The following ENTPD6 variants were observed in gnomAD, a reference collection of about 807,000 sequenced individuals.
ENTPD6 encodes ectonucleoside triphosphate diphosphohydrolase 6, also known as CD39 antigen-like 2.
ENTPD6 carries 46 observed loss-of-function variants against 61.5 expected under a neutral mutation model. The observed-to-expected ratio is 0.75, with a 90% CI of 0.59 to 0.96. The LOEUF is 0.96. Among genes scored for constraint, ENTPD6 ranks in the 40% least tolerant of loss-of-function variants. The pLI is 0.00. For synonymous variants in ENTPD6, 252 were observed against 255.5 expected, an observed-to-expected ratio of 0.99 and a Z score of 0.13; for missense variants, 612 against 629.0, an observed-to-expected ratio of 0.97 and a Z score of 0.29.
chr20:25,209,607 A>G (rs1011506517), intron 3 of ENTPD6, among the ~76,000 whole-genome samples: 1 of 150,642 alleles, frequency 6.6e-6, no homozygotes, highest in Non-Finnish European at 1.5e-5. Flanking sequence ...TATAATAAAT[A>G]ATAATTTTAA....
chr20:25,220,894 C>T (rs1028747015), intron 10 of ENTPD6, among the ~76,000 whole-genome samples: 3 of 152,240 alleles, frequency 2.0e-5, no homozygotes, highest in African/African-American at 4.8e-5. Flanking sequence ...ACCAACCTAC[C>T]AGCTACTCAC....
Position 25,221,243 on chromosome 20 carries a change from A to G in ENTPD6, c.955A>G (p.Lys319Glu), listed in dbSNP as rs767121728. ...GVEGQPAKDGKELVSPCLSPS... is the reference protein window; with the variant it reads ...GVEGQPAKDGEELVSPCLSPS... Reference sequence around the variant, plus strand: ...AATCTCTGTTTCAGCTAAGGATGGAAAGGAGTTGGTCAGCCCTTGCTTGTC... The same window carrying G: ...AATCTCTGTTTCAGCTAAGGATGGAGAGGAGTTGGTCAGCCCTTGCTTGTC... The change falls in exon 11 of 15, where the codon AAG (lysine) becomes GAG (glutamate). Residue 319 changes from lysine to glutamate, a missense_variant. Coordinates refer to ENST00000376652, the MANE Select transcript of ENTPD6 (RefSeq NM_001247.5). 20 of 1,613,380 alleles carry G rather than the reference A, an allele frequency of 1.2e-5. No homozygotes were observed. Among genetic ancestry groups the G allele is most frequent in the Non-Finnish European group, 1.4e-5 (16 of 1,179,416 alleles).
In ENTPD6 at chr20:25,216,786, G is replaced by T. The variant is rs371257353; in HGVS notation, c.798+50G>T. The T allele has an allele frequency of 2.9e-6, 3 of 1,039,510 alleles. No homozygotes were observed. In the East Asian group the frequency reaches 1.8e-4, roughly 61 times the overall value. 64.4% of individuals were successfully genotyped at this position (1,039,510 alleles called of 1,614,324 possible). A position where few individuals can be genotyped will look rare whatever the true frequency, so the allele number is the denominator to read the frequency against. ...GCTCTTTCCACCCCGAGGCCACACC[G>T]CCATGGGGGTGCAGGGTGGGGCCTG... On this transcript the variant is annotated intron_variant, in intron 8 of 14. Transcript: ENST00000376652.
rs550600440 is a variant in ENTPD6 at position 25,212,932 on chromosome 20, C to T, written c.454-331C>T. Among the ~76,000 whole-genome samples, 8 of 152,362 alleles carry T rather than the reference C, an allele frequency of 5.3e-5. No homozygotes were observed. In the South Asian group the frequency reaches 1.7e-3, roughly 32 times the overall value. On this transcript the variant is annotated intron_variant, in intron 4 of 14. Transcript: ENST00000376652. ...CTGTTAGCCAAGATGGTCTTGATCT[C>T]CTGACCTTGTGATCCGCCTGCCTTG...
intron 1 of ENTPD6, among the ~76,000 whole-genome samples, chr20:25,205,458 T>C (rs2091400719): frequency 1.3e-5 from 2 of 152,200 alleles, no homozygotes; most frequent in South Asian, 4.2e-4. Context: ...GGCACTGTTC[T>C]CAGAGCACTG....
intron 10 of ENTPD6, among the ~76,000 whole-genome samples, 176 bp downstream of exon 10, chr20:25,218,790 G>A (rs2092489892): frequency 6.6e-6 from 1 of 152,242 alleles, no homozygotes; most frequent in African/African-American, 2.4e-5. Context: ...CAGGGCATGC[G>A]AGTGGAGGGG....
chr20:25,207,229 G>C lies in ENTPD6; in HGVS notation c.208G>C (p.Ala70Pro), dbSNP rs766990810. Residue 70 changes from alanine to proline, a missense_variant, in exon 3 of 15, where the codon GCC becomes CCC. Ala to Pro is a conservative substitution (Grantham distance 27). Transcript: ENST00000376652. ...IKWHRATATQ[A>P]FFSITRAAPG... Reference sequence around the variant, plus strand: ...GTGGCACCGGGCCACCGCCACCCAGGCCTTCTTCAGCATCACCAGGGCAGC... The same window carrying C: ...GTGGCACCGGGCCACCGCCACCCAGCCCTTCTTCAGCATCACCAGGGCAGC... 1.2e-6 allele frequency: 2 copies of C among 1,614,064 alleles called. No homozygotes were observed. The highest frequency in any genetic ancestry group is 1.7e-6 in the Non-Finnish European group (2 of 1,180,026).
In ENTPD6 at chr20:25,226,837, T is replaced by C. The variant is rs1345668462; in HGVS notation, c.*1240T>C. 6.6e-6 allele frequency: 1 copy of C among 152,270 alleles called. No individual in the cohort carries two copies. The highest frequency in any genetic ancestry group is 1.5e-5 in the Non-Finnish European group (1 of 68,058). The allele number at this position is 152,270 out of a possible 1,614,324, so 9.4% of individuals were successfully genotyped here. On this transcript the variant is annotated 3_prime_UTR_variant, in exon 15 of 15. Transcript: ENST00000376652. Reference sequence around the variant, plus strand: ...AGGGGGTGGCGTATTTCCAGTCCTGTCGACATCCCTCTCGAGGACACAGCA... The same window carrying C: ...AGGGGGTGGCGTATTTCCAGTCCTGCCGACATCCCTCTCGAGGACACAGCA...
At chr20:25,218,933 G>A (rs1366123593) in intron 10 of ENTPD6, among the ~76,000 whole-genome samples, 4 of 152,236 alleles carry the variant, frequency 2.6e-5, no homozygotes, top group Non-Finnish European at 5.9e-5. Flanking sequence ...CCAGGCTGGA[G>A]TGCACTAGCA....
chr20:25,213,415 G>C lies in ENTPD6; in HGVS notation c.597+9G>C. 1 of 1,597,480 alleles carries C rather than the reference G, an allele frequency of 6.3e-7. No homozygotes were observed. The highest frequency in any genetic ancestry group is 8.5e-7 in the Non-Finnish European group (1 of 1,171,258). Reference sequence around the variant, plus strand: ...AGAAGTTACTGCAGAAGGTGAGCCTGGCCATTCCCCAGTGCCATTAGCCAG... The same window carrying C: ...AGAAGTTACTGCAGAAGGTGAGCCTCGCCATTCCCCAGTGCCATTAGCCAG... On this transcript the variant is annotated intron_variant, in intron 5 of 14. Coordinates refer to ENST00000376652, the MANE Select transcript of ENTPD6 (RefSeq NM_001247.5).
intron 5 of ENTPD6, chr20:25,214,662 C>T: frequency 1.8e-6 from 1 of 569,074 alleles, no homozygotes; most frequent in South Asian, 2.0e-5. Context: ...TAGCATGATG[C>T]AAAACCCTTA....
In ENTPD6 at chr20:25,214,438, T is replaced by A. The variant is rs567194042; in HGVS notation, c.598-429T>A. On this transcript the variant is annotated intron_variant, in intron 5 of 14. Transcript: ENST00000376652. ...TCTCACATCCCAAAGCAGGGCAGTGTTTGGAGCCCAGCAGGCCCAGTGTGC... is the reference window on the plus strand; with the variant it reads ...TCTCACATCCCAAAGCAGGGCAGTGATTGGAGCCCAGCAGGCCCAGTGTGC... Among the ~76,000 whole-genome samples, 5 of 152,294 alleles carry A rather than the reference T, an allele frequency of 3.3e-5. No homozygotes were observed. The East Asian group carries it at 9.6e-4, about 29-fold the overall frequency.
At chr20:25,197,312 T>C (rs1323966722) in intron 1 of ENTPD6, 2 of 894,436 alleles carry the variant, frequency 2.2e-6, no homozygotes, top group Admixed American at 6.2e-5. Flanking sequence ...TCAGATTCTC[T>C]TCTCTGACTC....
intron 12 of ENTPD6, 28 bp downstream of exon 12, chr20:25,223,006 GAA>G: frequency 5.6e-6 from 7 of 1,244,174 alleles, no homozygotes; most frequent in Non-Finnish European, 4.5e-6. Flanking sequence ...GGCTGAGCAG[GAA>G]GGTCGGGGCG....
chr20:25,223,021 A>AGGGGGG, intron 12 of ENTPD6, 43 bp downstream of exon 12: 4 of 488,112 alleles, frequency 8.2e-6, no homozygotes, highest in Non-Finnish European at 1.0e-5. Context: ...TCGGGGCGGC[A>AGGGGGG]GGGGGCGGGG....
chr20:25,204,500 C>T (rs976674930), intron 1 of ENTPD6, among the ~76,000 whole-genome samples: 2 of 151,986 alleles, frequency 1.3e-5, no homozygotes, highest in African/African-American at 4.8e-5. Flanking sequence ...CTTACTTTCT[C>T]AAAGTCTCCC....
At position 25,218,626 on chromosome 20, in the gene ENTPD6, T is replaced by A. The variant is rs2092478222; in HGVS notation, c.943+12T>A. The A allele has an allele frequency of 1.3e-6, 2 of 1,594,998 alleles. No individual in the cohort carries two copies. Among genetic ancestry groups the A allele is most frequent in the East Asian group, 2.3e-5 (1 of 44,392 alleles). ...GGAGGGGCAGCCTGGTGAGTGGACATGTTGCCCCGGGCCCACTTTCACAGC... is the reference window on the plus strand; with the variant it reads ...GGAGGGGCAGCCTGGTGAGTGGACAAGTTGCCCCGGGCCCACTTTCACAGC... On this transcript the variant is annotated intron_variant, in intron 10 of 14. Transcript: ENST00000376652.
At chr20:25,223,020 C>T (rs1308174279) in intron 12 of ENTPD6, 42 bp downstream of exon 12, 2 of 1,368,286 alleles carry the variant, frequency 1.5e-6, no homozygotes, top group African/African-American at 1.5e-5. Flanking sequence ...GTCGGGGCGG[C>T]AGGGGGCGGG....
rs1186765131 is a variant in ENTPD6, at chr20:25,207,315, C to T, written c.294C>T (p.His98=). ...HSPLGTAADG[H]EVFYGIMFDA... is the part of the protein sequence containing the mutation. ...CCCTGGGGACAGCTGCAGACGGGCA[C>T]GAGGTCTTCTACGGGATCATGTTTG... The change falls in exon 3 of 15, where the codon CAC becomes CAT. Residue 98 remains histidine (H), a synonymous_variant. Transcript: ENST00000376652. The T allele has an allele frequency of 2.5e-6, 4 of 1,602,372 alleles. No homozygotes were observed. The highest frequency in any genetic ancestry group is 1.7e-5 in the Admixed American group (1 of 59,198).
Sources: gnomAD v4.1 joint callset for allele counts (sites outside exome capture counted in the v4.1 genomes callset) on GRCh38, gnomAD v4.1.1 for gene constraint, MANE v1.5 for transcripts, NCBI Gene and HGNC (gene_info 2026-07-23, HGNC 2026-07-21) for gene names.